ACOXL: variants seen among roughly 807,000 people sequenced by gnomAD.
ACOXL encodes acyl-CoA oxidase like, also known as acyl-coenzyme A oxidase-like protein.
In ACOXL, 70 loss-of-function variants were observed where a neutral mutation model predicts 71.9. That is an observed-to-expected ratio of 0.97 (90% CI 0.80 to 1.19). The LOEUF (loss-of-function observed/expected upper bound fraction) is 1.19, where lower values mean the gene tolerates loss of function less well. Among genes scored for constraint, ACOXL ranks in the 50% most tolerant of loss-of-function variants. The pLI, the probability that ACOXL is intolerant of heterozygous loss-of-function variation, is 0.00. For missense variants in ACOXL, 703 were observed against 736.3 expected, an observed-to-expected ratio of 0.95 and a Z score of 0.52; for synonymous variants, 253 against 281.6, an observed-to-expected ratio of 0.90 and a Z score of 1.02.
chr2:110,912,798 A>C (rs773792909), intron 11 of ACOXL, among the ~76,000 whole-genome samples: 1 of 152,194 alleles, frequency 6.6e-6, no homozygotes, highest in African/African-American at 2.4e-5. Context: ...AAAAGTCACC[A>C]TCAAGAAAGT....
At chr2:110,855,293 C>A (rs760651927) in intron 10 of ACOXL, among the ~76,000 whole-genome samples, 2 of 152,222 alleles carry the variant, frequency 1.3e-5, no homozygotes, top group African/African-American at 4.8e-5. Context: ...AACGCTTCCT[C>A]ATTTAACTGT....
intron 9 of ACOXL, among the ~76,000 whole-genome samples, chr2:110,830,515 GT>G (rs527658840): frequency 6.6e-6 from 1 of 151,462 alleles, no homozygotes; most frequent in Non-Finnish European, 1.5e-5. Flanking sequence ...GAAGGCTCAG[GT>G]TTTTTGGGTT....
chr2:110,903,105 A>T (rs1470373502), intron 10 of ACOXL, among the ~76,000 whole-genome samples: 2 of 152,252 alleles, frequency 1.3e-5, no homozygotes, highest in South Asian at 4.1e-4. Context: ...GCTTAGCCCC[A>T]AAGCTCCTCT....
intron 17 of ACOXL, among the ~76,000 whole-genome samples, chr2:111,115,111 T>C (rs2070254456): frequency 6.6e-6 from 1 of 152,198 alleles, no homozygotes; most frequent in Non-Finnish European, 1.5e-5. Context: ...TACCTATTCA[T>C]TTGTCTTTTT....
At chr2:110,783,427 G>A (rs1427285999) in intron 2 of ACOXL, among the ~76,000 whole-genome samples, 1 of 152,294 alleles carries the variant, frequency 6.6e-6, no homozygotes, top group East Asian at 1.9e-4. Context: ...CATGGTAAGA[G>A]TCATAAATCT....
chr2:110,923,303 C>T (rs1187307167), intron 11 of ACOXL, among the ~76,000 whole-genome samples: 1 of 152,166 alleles, frequency 6.6e-6, no homozygotes, highest in Non-Finnish European at 1.5e-5. Context: ...CCCCCCAACA[C>T]ACATCTTTTC....
chr2:110,940,271 C>T (rs1446386702), intron 12 of ACOXL, among the ~76,000 whole-genome samples: 1 of 152,154 alleles, frequency 6.6e-6, no homozygotes, highest in African/African-American at 2.4e-5. Context: ...ACTGATCAAA[C>T]AGAAAGGGTC....
rs1383104319 is a variant in ACOXL at position 110,883,420 on chromosome 2, A to T, written c.789-25369A>T. Among the ~76,000 whole-genome samples, 4 of 141,730 alleles carry T rather than the reference A, an allele frequency of 2.8e-5. No individual in the cohort carries two copies. The East Asian group carries it at 8.3e-4, about 29-fold the overall frequency. 93.0% of individuals were successfully genotyped at this position (141,730 alleles called of 152,430 possible). ...CCACTACGCCTGGCCCCCTTTCATC[A>T]CTCTTAATAATCAGTCCTAAACTCA... On this transcript the variant is annotated intron_variant, in intron 10 of 17. Coordinates refer to ENST00000439055, the MANE Select transcript of ACOXL (RefSeq NM_001142807.4).
At chr2:111,028,937 A>C (rs938997710) in intron 14 of ACOXL, among the ~76,000 whole-genome samples, 1 of 152,194 alleles carries the variant, frequency 6.6e-6, no homozygotes, top group East Asian at 1.9e-4. Flanking sequence ...GAGGCAGTGT[A>C]GCCCATGGTT....
intron 10 of ACOXL, among the ~76,000 whole-genome samples, chr2:110,871,006 G>T (rs1034229282): frequency 6.6e-6 from 1 of 152,174 alleles, no homozygotes; most frequent in African/African-American, 2.4e-5. Flanking sequence ...TATTTACTGC[G>T]TGGGACCCAT....
intron 10 of ACOXL, among the ~76,000 whole-genome samples, chr2:110,900,090 C>T (rs923021051): frequency 3.3e-5 from 1 of 30,210 alleles, no homozygotes; most frequent in African/African-American, 6.9e-5. Flanking sequence ...CACACATACA[C>T]ACACACACAC....
intron 16 of ACOXL, among the ~76,000 whole-genome samples, chr2:111,078,424 C>T (rs1227856843): frequency 2.0e-5 from 3 of 152,054 alleles, no homozygotes; most frequent in Non-Finnish European, 4.4e-5. Context: ...CCACCATGCC[C>T]AGCTAATTTT....
chr2:110,888,211 C>T (rs1057050067), intron 10 of ACOXL, among the ~76,000 whole-genome samples: 53 of 152,304 alleles, frequency 3.5e-4, no homozygotes, highest in African/African-American at 1.2e-3. Flanking sequence ...TATACCATCA[C>T]GAAATTACCC....
chr2:110,827,404 G>A (rs1689294002), intron 9 of ACOXL, among the ~76,000 whole-genome samples: 1 of 152,174 alleles, frequency 6.6e-6, no homozygotes, highest in African/African-American at 2.4e-5. Flanking sequence ...GGCATGTGGC[G>A]GGCCGTGGAA....
chr2:110,805,117 C>A, intron 8 of ACOXL, 146 bp from the exon 9 acceptor site: 2 of 1,053,248 alleles, frequency 1.9e-6, no homozygotes, highest in South Asian at 1.5e-5. Context: ...TCCCCCTGCC[C>A]TTATCGGCGC....
intron 15 of ACOXL, among the ~76,000 whole-genome samples, chr2:111,034,556 A>T (rs767082760): frequency 2.0e-5 from 3 of 152,264 alleles, no homozygotes; most frequent in African/African-American, 7.2e-5. Context: ...TCAATGTCAG[A>T]TAAAGAGGAC....
chr2:110,770,438 G>A (rs1026113598), intron 2 of ACOXL, among the ~76,000 whole-genome samples: 3 of 152,176 alleles, frequency 2.0e-5, no homozygotes, highest in Admixed American at 6.5e-5. Flanking sequence ...CACCACCTGC[G>A]CTGCGATACT....
intron 13 of ACOXL, among the ~76,000 whole-genome samples, chr2:110,989,708 CAG>C (rs890698911): frequency 9.2e-5 from 14 of 152,242 alleles, no homozygotes; most frequent in African/African-American, 3.4e-4. Flanking sequence ...GGTTGTACAA[CAG>C]GGTGAACGTA....
At chr2:110,801,838 C>CTT in intron 8 of ACOXL, 114 bp downstream of exon 8, 1 of 823,708 alleles carries the variant, frequency 1.2e-6, no homozygotes, top group Non-Finnish European at 2.0e-6. Flanking sequence ...TTCCCCTAAC[C>CTT]ACCCGTACAG....
Sources: allele counts gnomAD v4.1 joint callset (sites outside exome capture counted in the v4.1 genomes callset), GRCh38; gene constraint gnomAD v4.1.1; transcripts MANE v1.5; gene names NCBI Gene and HGNC (gene_info 2026-07-23, HGNC 2026-07-21).